Variants in RBPMS observed in about 807,000 individuals in gnomAD.
RBPMS encodes RNA-binding protein with multiple splicing.
RBPMS carries 7 observed loss-of-function variants against 26.8 expected under a neutral mutation model. The observed-to-expected ratio is 0.26, with a 90% CI of 0.15 to 0.49. RBPMS has a LOEUF of 0.49. RBPMS is among the 20% of genes least tolerant of loss of function. The pLI, the probability that RBPMS is intolerant of heterozygous loss-of-function variation, is 0.98. For missense variants in RBPMS, 186 were observed against 250.0 expected, an observed-to-expected ratio of 0.74 and a Z score of 1.73; for synonymous variants, 96 against 93.3, an observed-to-expected ratio of 1.03 and a Z score of -0.17.
intron 1 of RBPMS, among the ~76,000 whole-genome samples, chr8:30,460,520 T>C (rs1479038082): frequency 6.6e-6 from 1 of 150,740 alleles, no homozygotes; most frequent in African/African-American, 2.5e-5. Context: ...CTTGACACTC[T>C]TAGTCTTTTT....
chr8:30,504,978 A>C, intron 5 of RBPMS, among the ~76,000 whole-genome samples: 1 of 152,242 alleles, frequency 6.6e-6, no homozygotes, highest in Non-Finnish European at 1.5e-5. Flanking sequence ...TAAAACTTTA[A>C]GGAAATTTGG....
At chr8:30,456,049 C>G (rs186766008) in intron 1 of RBPMS, among the ~76,000 whole-genome samples, 2 of 152,226 alleles carry the variant, frequency 1.3e-5, no homozygotes, top group Admixed American at 1.3e-4. Flanking sequence ...TTGGAAGAAA[C>G]TGATGCATGC....
chr8:30,492,037 G>A (rs966344377), intron 4 of RBPMS, among the ~76,000 whole-genome samples: 7 of 152,046 alleles, frequency 4.6e-5, no homozygotes, highest in Non-Finnish European at 7.4e-5. Context: ...GATTACAGGC[G>A]TGCAGCACCA....
chr8:30,564,224 C>T (rs1021066283), intron 7 of RBPMS: 2 of 152,210 alleles, frequency 1.3e-5, no homozygotes, highest in African/African-American at 4.8e-5. Flanking sequence ...TTTCAGAACA[C>T]ATTCCACTTT....
intron 1 of RBPMS, among the ~76,000 whole-genome samples, chr8:30,418,933 A>G (rs1032462567): frequency 6.6e-6 from 1 of 152,080 alleles, no homozygotes; most frequent in African/African-American, 2.4e-5. Context: ...CGTTGTAAAC[A>G]TTGATTGTTT....
intron 5 of RBPMS, among the ~76,000 whole-genome samples, chr8:30,511,471 G>GAAAAAA (rs1188894079): frequency 2.7e-4 from 3 of 11,210 alleles, no homozygotes; most frequent in African/African-American, 7.4e-4. Context: ...AACAAAAAAA[G>GAAAAAA]AAAAAAAAAA....
At position 30,477,854 on chromosome 8, in the gene RBPMS, G is replaced by C. The variant is rs1010397700; in HGVS notation, c.183+17G>C. ...TCTAAACAGGTAAGAATTTCAAAGT[G>C]GCATATAAAGATCACTTTTTTACTT... On this transcript the variant is annotated intron_variant, in intron 3 of 8. Coordinates refer to ENST00000397323, the MANE Select transcript of RBPMS (RefSeq NM_001008710.3). 2 of 1,553,002 alleles carry C rather than the reference G, an allele frequency of 1.3e-6. No individual in the cohort carries two copies. Among genetic ancestry groups the C allele is most frequent in the Non-Finnish European group, 8.9e-7 (1 of 1,126,026 alleles).
intron 1 of RBPMS, among the ~76,000 whole-genome samples, chr8:30,430,219 A>AATGG (rs147429445): frequency 0.25 from 37,859 of 151,478 alleles, 5,030 homozygotes; most frequent in East Asian, 0.42. Flanking sequence ...CCCTGTCTTA[A>AATGG]ATGGATGGAT....
intron 5 of RBPMS, among the ~76,000 whole-genome samples, chr8:30,532,556 A>G (rs1204444320): frequency 6.6e-6 from 1 of 152,188 alleles, no homozygotes; most frequent in Non-Finnish European, 1.5e-5. Context: ...AATGTTGCAC[A>G]GCTGGTAACA....
chr8:30,512,337 A>G (rs1030414343), intron 5 of RBPMS, among the ~76,000 whole-genome samples: 3 of 152,206 alleles, frequency 2.0e-5, no homozygotes. Context: ...AAAATACAGC[A>G]TATGGCAGGT....
intron 1 of RBPMS, among the ~76,000 whole-genome samples, chr8:30,449,356 C>CCT (rs1477250006): frequency 6.9e-6 from 1 of 144,688 alleles, no homozygotes; most frequent in Non-Finnish European, 1.5e-5. Flanking sequence ...GGATCCTTTT[C>CCT]CTCACATCTC....
At chr8:30,457,515 A>C (rs994861944) in intron 1 of RBPMS, among the ~76,000 whole-genome samples, 2 of 150,192 alleles carry the variant, frequency 1.3e-5, no homozygotes, top group African/African-American at 4.9e-5. Flanking sequence ...GCACTGTTTT[A>C]TTATGGGTAA....
At chr8:30,479,863 A>G (rs1818093830) in intron 4 of RBPMS, among the ~76,000 whole-genome samples, 1 of 151,956 alleles carries the variant, frequency 6.6e-6, no homozygotes, top group South Asian at 2.1e-4. Context: ...AAAAATTTAC[A>G]TATAAGGCTT....
At chr8:30,385,589 A>G (rs894570669) in intron 1 of RBPMS, among the ~76,000 whole-genome samples, 17 of 151,950 alleles carry the variant, frequency 1.1e-4, no homozygotes, top group South Asian at 2.1e-4. Flanking sequence ...AGATACCTCT[A>G]TTCCCTGCCC....
At chr8:30,479,185 G>A (rs982975414) in intron 3 of RBPMS, 130 bp from the exon 4 acceptor site, 12 of 683,592 alleles carry the variant, frequency 1.8e-5, no homozygotes, top group East Asian at 5.4e-5. Flanking sequence ...TCGGGACTTC[G>A]CTTTCTTATT....
At chr8:30,428,986 T>G (rs1811656181) in intron 1 of RBPMS, among the ~76,000 whole-genome samples, 1 of 152,164 alleles carries the variant, frequency 6.6e-6, no homozygotes, top group Admixed American at 6.5e-5. Flanking sequence ...TAGAAGCATC[T>G]GCTTCTGCTT....
At chr8:30,511,486 A>AAAATATAT (rs1821657057) in intron 5 of RBPMS, among the ~76,000 whole-genome samples, 1 of 23,574 alleles carries the variant, frequency 4.2e-5, no homozygotes, top group African/African-American at 1.6e-4. Context: ...AAAAAAAAAA[A>AAAATATAT]ATATATATAT....
At chr8:30,415,040 A>G (rs986957900) in intron 1 of RBPMS, among the ~76,000 whole-genome samples, 3 of 151,942 alleles carry the variant, frequency 2.0e-5, no homozygotes, top group African/African-American at 7.3e-5. Context: ...CTGTCCTGAA[A>G]TCCAGATTCA....
rs1423332182 is a variant in RBPMS at position 30,536,120 on chromosome 8, A to ATC, written c.398-8366_398-8365dup. Among the ~76,000 whole-genome samples the ATC allele has an allele frequency of 2.1e-5, 3 of 145,548 alleles. No homozygotes were observed. In the South Asian group the frequency reaches 6.7e-4, roughly 32 times the overall value. On this transcript the variant is annotated intron_variant, in intron 5 of 8. Transcript: ENST00000397323. ...GGACCTTATAGTTCAATAAGAGATC[A>ATC]TCTCTCTCTTTTTTTTTTTTTTTTG...
Sources: gnomAD v4.1 joint callset for allele counts (sites outside exome capture counted in the v4.1 genomes callset) on GRCh38, gnomAD v4.1.1 for gene constraint, MANE v1.5 for transcripts, NCBI Gene and HGNC (gene_info 2026-07-23, HGNC 2026-07-21) for gene names.